The following CLVS1 variants were observed in gnomAD, a reference collection of about 807,000 sequenced individuals.
CLVS1 encodes the protein clavesin-1.
In CLVS1, 10 loss-of-function variants were observed where a neutral mutation model predicts 33.1. The observed-to-expected ratio is 0.30, with a 90% CI of 0.19 to 0.51. The LOEUF (loss-of-function observed/expected upper bound fraction) is 0.51. Among genes scored for constraint, CLVS1 ranks in the 20% least tolerant of loss-of-function variants. CLVS1 has a pLI of 0.97. For missense variants in CLVS1, 343 were observed against 433.4 expected, an observed-to-expected ratio of 0.79 and a Z score of 1.85; for synonymous variants, 163 against 166.1, an observed-to-expected ratio of 0.98 and a Z score of 0.14.
At chr8:61,364,318 G>A (rs920027864) in intron 2 of CLVS1, among the ~76,000 whole-genome samples, 4 of 152,174 alleles carry the variant, frequency 2.6e-5, no homozygotes, top group Non-Finnish European at 5.9e-5. Flanking sequence ...GGAAGTCACA[G>A]CAGCCTTATA....
intron 2 of CLVS1, among the ~76,000 whole-genome samples, chr8:61,317,554 G>A (rs1286678484): frequency 6.6e-6 from 1 of 152,160 alleles, no homozygotes. Context: ...TTCCAGAAAT[G>A]TTGTTCCATC....
At chr8:61,484,546 C>A (rs1803797006) in intron 5 of CLVS1, among the ~76,000 whole-genome samples, 1 of 152,184 alleles carries the variant, frequency 6.6e-6, no homozygotes, top group African/African-American at 2.4e-5. Flanking sequence ...TCAACGCCAT[C>A]CCCATCAAGC....
At chr8:61,436,434 A>G (rs1267610203) in intron 3 of CLVS1, among the ~76,000 whole-genome samples, 2 of 152,160 alleles carry the variant, frequency 1.3e-5, no homozygotes, top group African/African-American at 2.4e-5. Flanking sequence ...GCTCTTGTCA[A>G]TGTCAACGAC....
At chr8:61,027,445 A>G in the CLVS1 span, among the ~76,000 whole-genome samples, 256 of 152,308 alleles carry the variant, frequency 1.7e-3, 1 homozygote, top group African/African-American at 5.8e-3. Context: ...ATTGGAGTGG[A>G]ATTAAGGAAA....
intron 2 of CLVS1, among the ~76,000 whole-genome samples, chr8:61,311,490 A>G (rs1485451215): frequency 6.6e-6 from 1 of 151,934 alleles, no homozygotes; most frequent in Non-Finnish European, 1.5e-5. Context: ...TGGATGGGAG[A>G]GCAGTTGGGT....
At chr8:61,246,344 A>G (rs1479291858) in intron 2 of CLVS1, among the ~76,000 whole-genome samples, 4 of 149,872 alleles carry the variant, frequency 2.7e-5, no homozygotes, top group Admixed American at 2.7e-4. Context: ...TAATTTTTGC[A>G]TTTTTAGTAG....
At chr8:61,222,168 T>C (rs1465633884) in intron 2 of CLVS1, among the ~76,000 whole-genome samples, 1 of 152,164 alleles carries the variant, frequency 6.6e-6, no homozygotes, top group African/African-American at 2.4e-5. Context: ...GGTTTTTTTC[T>C]GTCTCTATGT....
chr8:61,165,738 T>C (rs945171929), intron 2 of CLVS1, among the ~76,000 whole-genome samples: 3 of 152,224 alleles, frequency 2.0e-5, no homozygotes, highest in Non-Finnish European at 2.9e-5. Context: ...CCCGACCACC[T>C]TGGGCACATG....
At chr8:61,184,425 A>C (rs1263810488) in intron 2 of CLVS1, among the ~76,000 whole-genome samples, 1 of 152,214 alleles carries the variant, frequency 6.6e-6, no homozygotes, top group African/African-American at 2.4e-5. Flanking sequence ...CACTCACAGC[A>C]CTGCTTCTAC....
At chr8:61,133,316 A>G (rs772374579) in intron 2 of CLVS1, among the ~76,000 whole-genome samples, 1 of 152,100 alleles carries the variant, frequency 6.6e-6, no homozygotes, top group Non-Finnish European at 1.5e-5. Flanking sequence ...GGGCAGGGAA[A>G]TCTCCCCAGG....
intron 2 of CLVS1, among the ~76,000 whole-genome samples, chr8:61,278,218 C>T (rs1186154748): frequency 6.6e-6 from 1 of 152,302 alleles, no homozygotes; most frequent in East Asian, 1.9e-4. Context: ...TGATCTCCCA[C>T]AATAAACATA....
chr8:61,168,979 A>G (rs1396579993), intron 2 of CLVS1, among the ~76,000 whole-genome samples: 1 of 152,206 alleles, frequency 6.6e-6, no homozygotes, highest in Non-Finnish European at 1.5e-5. Flanking sequence ...CTTATTAAAT[A>G]CCTGTGTACT....
intron 2 of CLVS1, among the ~76,000 whole-genome samples, chr8:61,191,875 G>C (rs995427633): frequency 6.6e-6 from 1 of 152,150 alleles, no homozygotes; most frequent in Non-Finnish European, 1.5e-5. Context: ...CAAAATAAAA[G>C]AGGACACAAA....
chr8:61,415,184 G>T (rs901961902), intron 3 of CLVS1, among the ~76,000 whole-genome samples: 2 of 152,168 alleles, frequency 1.3e-5, no homozygotes, highest in African/African-American at 4.8e-5. Flanking sequence ...ACTCTCACAG[G>T]CTTCGTTACT....
At chr8:61,154,928 T>C (rs1371442600) in intron 2 of CLVS1, among the ~76,000 whole-genome samples, 2 of 152,174 alleles carry the variant, frequency 1.3e-5, no homozygotes, top group Non-Finnish European at 2.9e-5. Flanking sequence ...GGCCAGCTGA[T>C]GCTAATTATT....
chr8:61,097,745 T>G (rs1301997438), intron 1 of CLVS1, among the ~76,000 whole-genome samples: 1 of 152,198 alleles, frequency 6.6e-6, no homozygotes, highest in Non-Finnish European at 1.5e-5. Flanking sequence ...TATGTTGGTG[T>G]AGACTTAATT....
chr8:61,271,964 C>T (rs576357589), intron 2 of CLVS1, among the ~76,000 whole-genome samples: 98 of 151,976 alleles, frequency 6.4e-4, no homozygotes, highest in African/African-American at 2.0e-3. Context: ...CTGTCTGTGT[C>T]TTTTAATTGG....
intron 2 of CLVS1, among the ~76,000 whole-genome samples, chr8:61,369,033 C>A (rs370705350): frequency 6.6e-6 from 1 of 151,704 alleles, no homozygotes; most frequent in Admixed American, 6.6e-5. Flanking sequence ...TTTCTCTCCC[C>A]GTCTTTCTTC....
chr8:61,355,408 TTTTC>T (rs2129599386), intron 2 of CLVS1, among the ~76,000 whole-genome samples: 1 of 152,140 alleles, frequency 6.6e-6, no homozygotes, highest in South Asian at 2.1e-4. Context: ...ACTATGGTCT[TTTTC>T]TTTTTTTTAT....
Sources: allele counts gnomAD v4.1 joint callset (sites outside exome capture counted in the v4.1 genomes callset), GRCh38; gene constraint gnomAD v4.1.1; transcripts MANE v1.5; gene names NCBI Gene and HGNC (gene_info 2026-07-23, HGNC 2026-07-21).